Variants in ESRRB observed in about 807,000 individuals in gnomAD.
ESRRB encodes the protein estrogen related receptor beta.
ESRRB carries 16 observed loss-of-function variants against 46.0 expected under a neutral mutation model. The ratio of observed to expected loss-of-function variants is 0.35; its 90% CI spans 0.24 to 0.53. The LOEUF (loss-of-function observed/expected upper bound fraction) is 0.53, where lower values mean the gene tolerates loss of function less well. ESRRB is among the 20% of genes least tolerant of loss of function. The pLI is 0.93. For missense variants in ESRRB, 488 were observed against 607.4 expected, an observed-to-expected ratio of 0.80 and a Z score of 2.07; for synonymous variants, 246 against 259.6, an observed-to-expected ratio of 0.95 and a Z score of 0.50.
intron 1 of ESRRB, among the ~76,000 whole-genome samples, chr14:76,411,182 G>A (rs1233423822): frequency 2.0e-5 from 3 of 151,574 alleles, no homozygotes; most frequent in African/African-American, 7.3e-5. Flanking sequence ...GGTGGCTCAC[G>A]CCTGTAATCA....
intron 3 of ESRRB, among the ~76,000 whole-genome samples, chr14:76,468,148 GTATT>G (rs1889201606): frequency 6.6e-6 from 1 of 152,148 alleles, no homozygotes; most frequent in East Asian, 1.9e-4. Flanking sequence ...TAATGGCCTT[GTATT>G]TATAGAGTAT....
intron 1 of ESRRB, among the ~76,000 whole-genome samples, chr14:76,358,429 A>T (rs1884424562): frequency 6.7e-6 from 1 of 150,304 alleles, no homozygotes; most frequent in Admixed American, 6.7e-5. Flanking sequence ...AAGAAAAAGA[A>T]AAAAATGGCA....
At chr14:76,467,927 C>A (rs1417946814) in intron 3 of ESRRB, among the ~76,000 whole-genome samples, 1 of 152,192 alleles carries the variant, frequency 6.6e-6, no homozygotes, top group Non-Finnish European at 1.5e-5. Context: ...CTCCCCCACT[C>A]AGCCCCTGCC....
At chr14:76,414,668 TAAA>T (rs71452810) in intron 1 of ESRRB, among the ~76,000 whole-genome samples, 2,107 of 116,776 alleles carry the variant, frequency 0.018, 52 homozygotes, top group African/African-American at 0.057. Flanking sequence ...GTTTGTTCCT[TAAA>T]AAAAAAAAAA....
intron 1 of ESRRB, among the ~76,000 whole-genome samples, chr14:76,357,555 C>T (rs545998499): frequency 1.3e-4 from 20 of 152,184 alleles, no homozygotes; most frequent in Non-Finnish European, 2.2e-4. Flanking sequence ...CGCTCCCTGC[C>T]TAGACTGGAG....
At chr14:76,486,610 T>TG (rs1033514442) in intron 5 of ESRRB, among the ~76,000 whole-genome samples, 6 of 151,816 alleles carry the variant, frequency 4.0e-5, no homozygotes, top group Non-Finnish European at 8.8e-5. Context: ...AAATCACGGA[T>TG]GGGGGGATGG....
chr14:76,454,000 A>C (rs969577299), intron 2 of ESRRB, among the ~76,000 whole-genome samples: 1 of 152,208 alleles, frequency 6.6e-6, no homozygotes, highest in Non-Finnish European at 1.5e-5. Context: ...CGACTAAAAA[A>C]ACAAAAGAAA....
chr14:76,315,865 G>A (rs1883793861), intron 1 of ESRRB, among the ~76,000 whole-genome samples: 1 of 152,216 alleles, frequency 6.6e-6, no homozygotes, highest in Non-Finnish European at 1.5e-5. Flanking sequence ...AGCAGAGGAT[G>A]TGACCTGGGC....
intron 5 of ESRRB, among the ~76,000 whole-genome samples, chr14:76,489,880 G>C (rs945394237): frequency 3.9e-5 from 6 of 152,186 alleles, no homozygotes; most frequent in Admixed American, 3.9e-4. Context: ...GGAGAAGTGA[G>C]TGATGCCAAT....
chr14:76,375,389 T>C (rs1884727098), upstream of ESRRB, among the ~76,000 whole-genome samples: 1 of 152,036 alleles, frequency 6.6e-6, no homozygotes, highest in Non-Finnish European at 1.5e-5. Flanking sequence ...TGCCTTGGAG[T>C]GGATGTGGCG....
At position 76,404,545 on chromosome 14, in the gene ESRRB, C is replaced by T. The variant is rs530000213; in HGVS notation, c.50+28094C>T. 3 of 152,820 alleles carry T rather than the reference C, an allele frequency of 2.0e-5. No homozygotes were observed. The South Asian group carries it at 6.2e-4, about 32-fold the overall frequency. 9.5% of individuals were successfully genotyped at this position (152,820 alleles called of 1,614,324 possible). A position where few individuals can be genotyped will look rare whatever the true frequency, so the allele number is the denominator to read the frequency against. ...AATGTCCTAGAATTTACACCTTCAG[C>T]AGAGCCCCTTGGGAAATGGCAGTCA... On this transcript the variant is annotated intron_variant, in intron 1 of 6. Transcript: ENST00000644823.
intron 1 of ESRRB, among the ~76,000 whole-genome samples, chr14:76,408,559 T>C: frequency 8.2e-6 from 1 of 122,284 alleles, no homozygotes. Flanking sequence ...ACCACTGCAC[T>C]CCAGCCTGGG....
At chr14:76,333,718 T>C (rs1015218022) in intron 1 of ESRRB, among the ~76,000 whole-genome samples, 5 of 151,930 alleles carry the variant, frequency 3.3e-5, no homozygotes, top group African/African-American at 1.2e-4. Context: ...CATTTCGACA[T>C]ATAGGTAATA....
chr14:76,366,687 C>T (rs539315982), upstream of ESRRB, among the ~76,000 whole-genome samples: 26 of 152,258 alleles, frequency 1.7e-4, no homozygotes, highest in Non-Finnish European at 2.6e-4. Context: ...ATGTACTTGG[C>T]CTCTCAGGTG....
At chr14:76,484,033 T>A (rs537449858) in intron 5 of ESRRB, among the ~76,000 whole-genome samples, 2 of 152,302 alleles carry the variant, frequency 1.3e-5, no homozygotes, top group East Asian at 3.9e-4. Flanking sequence ...TTTTTGTATT[T>A]TTAGTAGAGA....
rs10135470 is a variant in ESRRB, at chr14:76,378,618, C to A, written c.50+2167C>A. ...GATGTCATTTCTCAAAGCCCAGGAC[C>A]CACTGGGCAGCAGCCCAGGCATTGA... On this transcript the variant is annotated intron_variant, in intron 1 of 6. Coordinates refer to ENST00000644823, the MANE Select transcript of ESRRB (RefSeq NM_001379180.1). Among the ~76,000 whole-genome samples, 506 of 152,216 alleles carry A rather than the reference C, an allele frequency of 3.3e-3. 2 individuals are homozygous for A. Among genetic ancestry groups the A allele is most frequent in the African/African-American group, 0.011 (473 of 41,550 alleles).
intron 1 of ESRRB, among the ~76,000 whole-genome samples, chr14:76,395,050 C>A (rs115508905): frequency 1.4e-3 from 214 of 152,290 alleles, no homozygotes; most frequent in African/African-American, 5.1e-3. Flanking sequence ...CCCGGGCCAT[C>A]CCTGTAGGCT....
At chr14:76,337,930 T>A (rs573987691) in intron 1 of ESRRB, among the ~76,000 whole-genome samples, 1 of 152,348 alleles carries the variant, frequency 6.6e-6, no homozygotes, top group African/African-American at 2.4e-5. Flanking sequence ...CTGCTTTCCA[T>A]GCAAGCTTAC....
At chr14:76,420,742 G>C (rs913249847) in intron 1 of ESRRB, among the ~76,000 whole-genome samples, 4 of 152,048 alleles carry the variant, frequency 2.6e-5, no homozygotes, top group Non-Finnish European at 5.9e-5. Flanking sequence ...GGGATGGACG[G>C]TCCTTTTCAA....
Sources: gnomAD v4.1 joint callset for allele counts (sites outside exome capture counted in the v4.1 genomes callset) on GRCh38, gnomAD v4.1.1 for gene constraint, MANE v1.5 for transcripts, NCBI Gene and HGNC (gene_info 2026-07-23, HGNC 2026-07-21) for gene names.